PRELID2: variants seen among roughly 807,000 people sequenced by gnomAD.
PRELID2 encodes PRELI domain-containing protein 2.
A neutral mutation model predicts 28.4 loss-of-function variants in PRELID2; 25 were observed. The ratio of observed to expected loss-of-function variants is 0.88; its 90% CI spans 0.64 to 1.23. PRELID2 has a LOEUF of 1.23. PRELID2 is among the 50% of genes most tolerant of loss of function. The pLI is 0.00. For missense variants in PRELID2, 201 were observed against 214.4 expected (o/e 0.94, Z 0.39); for synonymous variants, 76 against 71.6 (o/e 1.06, Z -0.31).
chr5:145,730,279 AAC>A (rs1756300990), intron 1 of PRELID2, among the ~76,000 whole-genome samples: 1 of 152,158 alleles, frequency 6.6e-6, no homozygotes, highest in Non-Finnish European at 1.5e-5. Context: ...CTTTTCTCCC[AAC>A]ACACTGGCCA....
the PRELID2 span, among the ~76,000 whole-genome samples, chr5:145,446,509 G>A: frequency 6.6e-6 from 1 of 152,046 alleles, no homozygotes; most frequent in Non-Finnish European, 1.5e-5. Flanking sequence ...AAGAATAAAT[G>A]TCCTCATGTG....
chr5:145,805,944 T>C (rs904506897), intron 4 of PRELID2, among the ~76,000 whole-genome samples: 1 of 152,164 alleles, frequency 6.6e-6, no homozygotes, highest in Non-Finnish European at 1.5e-5. Context: ...ACCATGTATA[T>C]ACCGTTTATA....
Position 145,801,588 on chromosome 5 carries a change from G to A in PRELID2, c.369-5041C>T, listed in dbSNP as rs886278073. Among the ~76,000 whole-genome samples, 13 of 152,096 alleles carry A rather than the reference G, an allele frequency of 8.5e-5. No individual in the cohort carries two copies. In the East Asian group the frequency reaches 1.2e-3, roughly 14 times the overall value. On this transcript the variant is annotated intron_variant, in intron 4 of 6. Coordinates refer to ENST00000683046, the MANE Select transcript of PRELID2 (RefSeq NM_205846.3). ...TATCAGACATTGTATTACCTTCTGAGGTTGCTATGCTTTGAAAATTATTTT... is the reference window on the plus strand; with the variant it reads ...TATCAGACATTGTATTACCTTCTGAAGTTGCTATGCTTTGAAAATTATTTT...
chr5:145,354,370 A>C, the PRELID2 span, among the ~76,000 whole-genome samples: 1 of 151,982 alleles, frequency 6.6e-6, no homozygotes, highest in South Asian at 2.1e-4. Context: ...CGATTTTTTT[A>C]TTTTCCATTC....
the PRELID2 span, among the ~76,000 whole-genome samples, chr5:145,274,289 G>T: frequency 1.3e-5 from 2 of 152,132 alleles, no homozygotes; most frequent in African/African-American, 2.4e-5. Flanking sequence ...ATCTGAGATT[G>T]TATTTGCATT....
chr5:145,631,174 T>C (rs1252945764), intron 1 of PRELID2, among the ~76,000 whole-genome samples: 3 of 152,038 alleles, frequency 2.0e-5, no homozygotes, highest in African/African-American at 7.2e-5. Context: ...CTCGAGAAAA[T>C]GTTGAGTCCA....
the PRELID2 span, among the ~76,000 whole-genome samples, chr5:145,306,436 CA>C: frequency 6.6e-6 from 1 of 151,766 alleles, no homozygotes; most frequent in Non-Finnish European, 1.5e-5. Context: ...CCATTAATTA[CA>C]ATGGCATTAA....
chr5:145,414,734 C>T, the PRELID2 span, among the ~76,000 whole-genome samples: 1 of 152,160 alleles, frequency 6.6e-6, no homozygotes. Flanking sequence ...AATTAATTCT[C>T]TCAAATGAGT....
chr5:145,409,188 C>G, the PRELID2 span, among the ~76,000 whole-genome samples: 1 of 152,086 alleles, frequency 6.6e-6, no homozygotes, highest in Non-Finnish European at 1.5e-5. Context: ...ATGCCACTAC[C>G]AAGCCAGCAC....
the PRELID2 span, among the ~76,000 whole-genome samples, chr5:145,286,675 G>T: frequency 6.7e-6 from 1 of 150,208 alleles, no homozygotes; most frequent in Non-Finnish European, 1.5e-5. Context: ...AGGAAAATGA[G>T]ATTTGACTGC....
chr5:145,676,560 C>T (rs1177558732), intron 1 of PRELID2, among the ~76,000 whole-genome samples: 1 of 152,128 alleles, frequency 6.6e-6, no homozygotes, highest in Non-Finnish European at 1.5e-5. Flanking sequence ...AACAACAACA[C>T]AACTCATTGC....
chr5:145,747,843 G>T (rs1423657945), intron 1 of PRELID2, among the ~76,000 whole-genome samples: 1 of 152,142 alleles, frequency 6.6e-6, no homozygotes, highest in Non-Finnish European at 1.5e-5. Flanking sequence ...GGGATGCAAG[G>T]CTGGCTTAAC....
At chr5:145,360,556 C>A in the PRELID2 span, among the ~76,000 whole-genome samples, 1 of 152,176 alleles carries the variant, frequency 6.6e-6, no homozygotes, top group Non-Finnish European at 1.5e-5. Context: ...GCCTATTGTG[C>A]ATTTCAATAT....
intron 1 of PRELID2, among the ~76,000 whole-genome samples, chr5:145,593,164 T>C (rs1424379616): frequency 6.6e-6 from 1 of 152,150 alleles, no homozygotes; most frequent in African/African-American, 2.4e-5. Flanking sequence ...CATGATATAT[T>C]TTGTTTCTTA....
intron 1 of PRELID2, among the ~76,000 whole-genome samples, chr5:145,681,961 C>T (rs552300153): frequency 6.6e-6 from 1 of 152,208 alleles, no homozygotes; most frequent in South Asian, 2.1e-4. Context: ...CAGAAAGATG[C>T]TGACTGAAGG....
chr5:145,332,334 T>C, the PRELID2 span, among the ~76,000 whole-genome samples: 1 of 152,164 alleles, frequency 6.6e-6, no homozygotes, highest in Non-Finnish European at 1.5e-5. Context: ...CTGGGGAAGT[T>C]CTCCTGGATA....
chr5:145,351,537 C>T, the PRELID2 span, among the ~76,000 whole-genome samples: 83 of 152,212 alleles, frequency 5.5e-4, 1 homozygote, highest in East Asian at 0.014. Flanking sequence ...AATATGGGAA[C>T]TATAATTCCA....
chr5:145,469,860 C>G (rs933589195), downstream of PRELID2, among the ~76,000 whole-genome samples: 1 of 152,098 alleles, frequency 6.6e-6, no homozygotes, highest in African/African-American at 2.4e-5. Flanking sequence ...TGAGAAATTT[C>G]ACAATGTCCC....
At chr5:145,409,099 G>A in the PRELID2 span, among the ~76,000 whole-genome samples, 276 of 152,226 alleles carry the variant, frequency 1.8e-3, 1 homozygote, top group African/African-American at 6.3e-3. Context: ...TCAGCCAGGA[G>A]TTTTGTATCC....
Sources: gnomAD v4.1 joint callset for allele counts (sites outside exome capture counted in the v4.1 genomes callset) on GRCh38, gnomAD v4.1.1 for gene constraint, MANE v1.5 for transcripts, NCBI Gene and HGNC (gene_info 2026-07-23, HGNC 2026-07-21) for gene names.